MAN1A2: variants seen among roughly 807,000 people sequenced by gnomAD.
The protein encoded by MAN1A2 is mannosyl-oligosaccharide 1,2-alpha-mannosidase IB.
MAN1A2 carries 26 observed loss-of-function variants against 75.7 expected under a neutral mutation model. That is an observed-to-expected ratio of 0.34 (90% CI 0.25 to 0.48). The LOEUF (loss-of-function observed/expected upper bound fraction) is 0.48. MAN1A2 is among the 20% of genes least tolerant of loss of function. The pLI, the probability that MAN1A2 is intolerant of heterozygous loss-of-function variation, is 0.99. For synonymous variants in MAN1A2, 247 were observed against 264.6 expected, an observed-to-expected ratio of 0.93 and a Z score of 0.65; for missense variants, 562 against 775.5, an observed-to-expected ratio of 0.72 and a Z score of 3.27.
chr1:117,380,052 T>G (rs1181764481), intron 1 of MAN1A2, among the ~76,000 whole-genome samples: 1 of 152,164 alleles, frequency 6.6e-6, no homozygotes, highest in Non-Finnish European at 1.5e-5. Context: ...CTTAGCTTTT[T>G]GAGGAACCAC....
chr1:117,456,222 A>T (rs1043889921), intron 6 of MAN1A2, among the ~76,000 whole-genome samples: 3 of 152,074 alleles, frequency 2.0e-5, no homozygotes, highest in Admixed American at 2.0e-4. Context: ...GTCATTTGTT[A>T]AGCAAATTTG....
intron 6 of MAN1A2, among the ~76,000 whole-genome samples, chr1:117,445,870 G>GTATATATATA (rs1342445541): frequency 1.3e-3 from 151 of 114,638 alleles, no homozygotes; most frequent in Admixed American, 8.2e-3. Flanking sequence ...ATGTGTGTGT[G>GTATATATATA]TGTCTGTGTG....
At chr1:117,492,795 A>G (rs1650922342) in intron 8 of MAN1A2, among the ~76,000 whole-genome samples, 1 of 152,078 alleles carries the variant, frequency 6.6e-6, no homozygotes, top group African/African-American at 2.4e-5. Flanking sequence ...TCATATTTAG[A>G]CATAACTTAT....
At chr1:117,401,601 T>C (rs890018334) in intron 1 of MAN1A2, among the ~76,000 whole-genome samples, 1 of 152,172 alleles carries the variant, frequency 6.6e-6, no homozygotes, top group Non-Finnish European at 1.5e-5. Flanking sequence ...TGAGGAGCTC[T>C]TCATGATACA....
At chr1:117,460,700 C>T in intron 7 of MAN1A2, 88 bp downstream of exon 7, 1 of 1,424,400 alleles carries the variant, frequency 7.0e-7, no homozygotes, top group Non-Finnish European at 9.2e-7. Context: ...AAAAGGTTTG[C>T]CTTTCTAGAT....
At chr1:117,431,336 A>G (rs1648652976) in intron 5 of MAN1A2, among the ~76,000 whole-genome samples, 1 of 152,050 alleles carries the variant, frequency 6.6e-6, no homozygotes, top group Non-Finnish European at 1.5e-5. Context: ...GAGCTTTGAA[A>G]TGTATGAATC....
intron 3 of MAN1A2, among the ~76,000 whole-genome samples, chr1:117,410,623 GAAAA>G (rs544835333): frequency 8.2e-6 from 1 of 121,308 alleles, no homozygotes; most frequent in Non-Finnish European, 1.8e-5. Context: ...AAAAGAAAAA[GAAAA>G]AAAAAAAAGA....
Position 117,466,427 on chromosome 1 carries a change from T to C in MAN1A2, c.1168T>C (p.Tyr390His). The change falls in exon 8 of 13, where the codon TAT (tyrosine) becomes CAT (histidine). Residue 390 changes from tyrosine (Y) to histidine (H), a missense_variant and splice_region_variant. Coordinates refer to ENST00000356554, the MANE Select transcript of MAN1A2 (RefSeq NM_006699.5). Reference sequence around the variant, plus strand: ...CCCCAGAACAGGGCGCTGGGGTCAGTGTAAGTATTCTAGTATACCTGAGGC... The same window carrying C: ...CCCCAGAACAGGGCGCTGGGGTCAGCGTAAGTATTCTAGTATACCTGAGGC... ...LNPRTGRWGQ[Y>H]HTSVGGLGDS... The C allele has an allele frequency of 6.3e-7, 1 of 1,579,086 alleles. No individual in the cohort carries two copies. Among genetic ancestry groups the C allele is most frequent in the East Asian group, 2.3e-5 (1 of 44,258 alleles).
chr1:117,405,168 A>G (rs1647573128), intron 2 of MAN1A2, among the ~76,000 whole-genome samples: 2 of 152,162 alleles, frequency 1.3e-5, no homozygotes, highest in South Asian at 4.1e-4. Context: ...CTCTGGTCTA[A>G]GGATAGGGGA....
At chr1:117,447,769 A>G (rs909997927) in intron 6 of MAN1A2, among the ~76,000 whole-genome samples, 1 of 151,894 alleles carries the variant, frequency 6.6e-6, no homozygotes, top group Non-Finnish European at 1.5e-5. Flanking sequence ...TCCTTAAGGT[A>G]TTTTTGTGTA....
chr1:117,516,487 A>G (rs1381243539), intron 12 of MAN1A2, among the ~76,000 whole-genome samples: 1 of 152,114 alleles, frequency 6.6e-6, no homozygotes, highest in East Asian at 1.9e-4. Context: ...TTCCATGAAC[A>G]TAATTACATG....
chr1:117,472,385 A>G, intron 8 of MAN1A2, among the ~76,000 whole-genome samples: 1 of 152,044 alleles, frequency 6.6e-6, no homozygotes. Flanking sequence ...ATAGTATTAT[A>G]GGAATATATT....
chr1:117,479,274 T>G (rs1650417450), intron 8 of MAN1A2, among the ~76,000 whole-genome samples: 1 of 151,934 alleles, frequency 6.6e-6, no homozygotes, highest in African/African-American at 2.4e-5. Context: ...AAGGACATGA[T>G]CTTGTTCCTT....
intron 9 of MAN1A2, among the ~76,000 whole-genome samples, chr1:117,495,330 T>A (rs541574517): frequency 3.9e-5 from 6 of 152,030 alleles, no homozygotes; most frequent in Admixed American, 1.3e-4. Flanking sequence ...AAGTATGCAG[T>A]CTTTGCAGTG....
Position 117,446,392 on chromosome 1 carries a change from C to G in MAN1A2, c.950+4067C>G, listed in dbSNP as rs1458705451. 3.9e-5 allele frequency among the ~76,000 whole-genome samples: 6 copies of G among 152,046 alleles called. No individual in the cohort carries two copies. The East Asian group carries it at 1.2e-3, about 29-fold the overall frequency. ...CTTTCTACACTGATCTTATATCTTT[C>G]TCTCTTTTCCCCCCATAAACTACTG... On this transcript the variant is annotated intron_variant, in intron 6 of 12. Transcript: ENST00000356554.
At chr1:117,508,143 A>G (rs994228158) in intron 12 of MAN1A2, among the ~76,000 whole-genome samples, 5 of 151,646 alleles carry the variant, frequency 3.3e-5, no homozygotes, top group Non-Finnish European at 7.4e-5. Context: ...ATTCACCTAG[A>G]TCTTTCTTTG....
At chr1:117,459,510 A>G (rs1371588420) in intron 6 of MAN1A2, among the ~76,000 whole-genome samples, 1 of 152,176 alleles carries the variant, frequency 6.6e-6, no homozygotes, top group African/African-American at 2.4e-5. Flanking sequence ...AAAAACGGAA[A>G]TGGACTATTT....
At chr1:117,521,249 G>T (rs1651863449) in intron 12 of MAN1A2, among the ~76,000 whole-genome samples, 2 of 151,944 alleles carry the variant, frequency 1.3e-5, no homozygotes, top group African/African-American at 4.8e-5. Flanking sequence ...ATTGGCTTAG[G>T]CAAGGATTTC....
At chr1:117,490,832 A>G (rs887689564) in intron 8 of MAN1A2, among the ~76,000 whole-genome samples, 2 of 152,108 alleles carry the variant, frequency 1.3e-5, no homozygotes, top group Non-Finnish European at 2.9e-5. Context: ...AAATAGCCAT[A>G]TTGCAGGCAT....
Sources: allele counts gnomAD v4.1 joint callset (sites outside exome capture counted in the v4.1 genomes callset), GRCh38; gene constraint gnomAD v4.1.1; transcripts MANE v1.5; gene names NCBI Gene and HGNC (gene_info 2026-07-23, HGNC 2026-07-21).